TFCP2: variants seen among roughly 807,000 people sequenced by gnomAD.
The protein encoded by TFCP2 is transcription factor CP2.
Under a neutral mutation model 73.4 loss-of-function variants are expected in TFCP2, and 33 were observed. The observed-to-expected ratio is 0.45, with a 90% CI of 0.34 to 0.60. The LOEUF is 0.60. Ranked by LOEUF, TFCP2 falls within the 20% of genes least tolerant of loss-of-function variation. TFCP2 has a pLI of 0.01. For synonymous variants in TFCP2, 193 were observed against 211.6 expected (o/e 0.91, Z 0.76); for missense variants, 352 against 604.0 (o/e 0.58, Z 4.37).
intron 1 of TFCP2, among the ~76,000 whole-genome samples, chr12:51,158,008 A>T (rs1350834154): frequency 1.3e-5 from 2 of 150,850 alleles, no homozygotes; most frequent in African/African-American, 2.4e-5. Flanking sequence ...CTATAATCTT[A>T]ATTTTTTTTT....
intron 1 of TFCP2, among the ~76,000 whole-genome samples, chr12:51,140,980 G>C (rs1985457): frequency 6.6e-6 from 1 of 151,788 alleles, no homozygotes; most frequent in Non-Finnish European, 1.5e-5. Flanking sequence ...CGCTTGAACC[G>C]GGGAGGCAGA....
chr12:51,108,071 G>C (rs1265845128), intron 6 of TFCP2, among the ~76,000 whole-genome samples: 4 of 151,718 alleles, frequency 2.6e-5, no homozygotes, highest in African/African-American at 9.7e-5. Flanking sequence ...GATTGCCTGA[G>C]GTCAGGAGTT....
chr12:51,168,502 T>G (rs550597052), intron 1 of TFCP2, among the ~76,000 whole-genome samples: 1 of 152,238 alleles, frequency 6.6e-6, no homozygotes, highest in South Asian at 2.1e-4. Flanking sequence ...TTTGTTTTTT[T>G]GAGACAGGGT....
chr12:51,129,982 T>C (rs1326876943), intron 1 of TFCP2, among the ~76,000 whole-genome samples: 3 of 23,726 alleles, frequency 1.3e-4, no homozygotes, highest in African/African-American at 2.5e-4. Flanking sequence ...ACCCCATCTC[T>C]ACAAAAAAAA....
intron 10 of TFCP2, among the ~76,000 whole-genome samples, chr12:51,103,181 G>A (rs1466956341): frequency 6.6e-6 from 1 of 152,004 alleles, no homozygotes; most frequent in Non-Finnish European, 1.5e-5. Context: ...TAATCAGGAG[G>A]CTAAGGCAGG....
In TFCP2 at chr12:51,118,712, C is replaced by T; in HGVS notation, c.183G>A (p.Glu61=). Residue 61 remains glutamate, a synonymous_variant, in exon 2 of 15, where the codon GAG becomes GAA. Transcript: ENST00000257915. ...CATATTGAAAAGGCAGGATTTTATTCTCATTATCAGGAGGCAAACTCGACT... is the reference window on the plus strand; with the variant it reads ...CATATTGAAAAGGCAGGATTTTATTTTCATTATCAGGAGGCAAACTCGACT... ...QEESSLPPDN[E]NKILPFQYVL... is the part of the protein sequence containing the mutation. The T allele has an allele frequency of 6.2e-7, 1 of 1,614,120 alleles. No individual in the cohort carries two copies. Among genetic ancestry groups the T allele is most frequent in the Non-Finnish European group, 8.5e-7 (1 of 1,180,026 alleles).
chr12:51,135,436 CA>C (rs5798157), intron 1 of TFCP2, among the ~76,000 whole-genome samples: 1 of 150,828 alleles, frequency 6.6e-6, no homozygotes, highest in Admixed American at 6.6e-5. Context: ...CACACACACA[CA>C]AAAAAAACAA....
At chr12:51,124,675 GGCC>G (rs1434695253) in intron 1 of TFCP2, 1 of 619,462 alleles carries the variant, frequency 1.6e-6, no homozygotes, top group African/African-American at 1.8e-5. Flanking sequence ...AGCTCCATCA[GGCC>G]GTCCCCCGCG....
chr12:51,123,820 T>A (rs965657689), intron 1 of TFCP2, among the ~76,000 whole-genome samples: 2 of 152,224 alleles, frequency 1.3e-5, no homozygotes, highest in African/African-American at 4.8e-5. Flanking sequence ...ACTTTTGTTT[T>A]GTGAAATAAA....
chr12:51,141,967 G>A (rs1220025095), intron 1 of TFCP2, among the ~76,000 whole-genome samples: 4 of 150,870 alleles, frequency 2.7e-5, no homozygotes, highest in African/African-American at 9.7e-5. Context: ...CAGTTTGGGA[G>A]GCCGAGGCGG....
chr12:51,149,202 A>G (rs1016849968), intron 1 of TFCP2, among the ~76,000 whole-genome samples: 5 of 152,106 alleles, frequency 3.3e-5, no homozygotes, highest in Admixed American at 3.3e-4. Context: ...GTTTTCATTC[A>G]TAAGTGGGAG....
In TFCP2 at chr12:51,169,047, C is replaced by G. The variant is rs572916656; in HGVS notation, c.122+3254G>C. 1.7e-3 allele frequency among the ~76,000 whole-genome samples: 265 copies of G among 152,020 alleles called. 2 individuals carry two copies. Among genetic ancestry groups the G allele is most frequent in the Non-Finnish European group, 3.2e-3 (220 of 67,966 alleles). On this transcript the variant is annotated intron_variant, in intron 1 of 14. Transcript: ENST00000257915. ...AAACTCCTGACCTCAGGGGATCCAC[C>G]CACCTCAGTCTCCCAAAGTGTTTGG... is the stretch of plus-strand genomic sequence containing the variant.
At chr12:51,125,466 C>T (rs1490446661) in intron 1 of TFCP2, 4 of 371,704 alleles carry the variant, frequency 1.1e-5, no homozygotes, top group Non-Finnish European at 1.6e-5. Flanking sequence ...TATGAATCAA[C>T]CAGTTATTTT....
chr12:51,097,870 G>A (rs1291929108), intron 13 of TFCP2, among the ~76,000 whole-genome samples: 1 of 151,870 alleles, frequency 6.6e-6, no homozygotes, highest in African/African-American at 2.4e-5. Context: ...ACAAAAATTA[G>A]CCAGGCATGG....
rs542629125 is a variant in TFCP2 at position 51,161,490 on chromosome 12, C to T, written c.122+10811G>A. Among the ~76,000 whole-genome samples the T allele has an allele frequency of 4.1e-4, 63 of 151,916 alleles. 1 individual carries two copies. Among genetic ancestry groups the T allele is most frequent in the Non-Finnish European group, 1.9e-4 (13 of 67,966 alleles). On this transcript the variant is annotated intron_variant, in intron 1 of 14. Transcript: ENST00000257915. ...GGTCAGGAGATCGAGACCATCCTGG[C>T]TAACACGGTGAAACCCCATGTCTAC...
In TFCP2 at chr12:51,103,770, G is replaced by A; in HGVS notation, c.967-7C>T. 6.2e-7 allele frequency: 1 copy of A among 1,608,326 alleles called. No homozygotes were observed. Among genetic ancestry groups the A allele is most frequent in the Non-Finnish European group, 8.5e-7 (1 of 1,177,406 alleles). ...TGGTTGTTGGTAAGAGGTTCTGAAA[G>A]GGAGAGCACGTTTTTTAGATAACCA... On this transcript the variant is annotated splice_region_variant and splice_polypyrimidine_tract_variant and intron_variant, in intron 9 of 14. Coordinates refer to ENST00000257915, the MANE Select transcript of TFCP2 (RefSeq NM_005653.5).
rs1365093234 is a variant in TFCP2, at chr12:51,124,094, TTTTC to T, written c.123-5326_123-5323del. 5.1e-4 allele frequency among the ~76,000 whole-genome samples: 26 copies of T among 50,876 alleles called. 1 individual carries two copies. In the East Asian group the frequency reaches 0.013, roughly 26 times the overall value. 33.4% of individuals were successfully genotyped at this position (50,876 alleles called of 152,430 possible). ...AACCTGATGTTAACCAACCAGCTAC[TTTTC>T]TTTTTTTTTTCTTTTTTGAGGGGGT... On this transcript the variant is annotated intron_variant, in intron 1 of 14. Coordinates refer to ENST00000257915, the MANE Select transcript of TFCP2 (RefSeq NM_005653.5).
intron 5 of TFCP2, among the ~76,000 whole-genome samples, chr12:51,109,648 T>C (rs944112022): frequency 7.9e-5 from 12 of 151,912 alleles, no homozygotes; most frequent in African/African-American, 2.7e-4. Flanking sequence ...ATAGTAAATA[T>C]GAAAGTTCAC....
rs1223430401 is a variant in TFCP2 at position 51,118,703 on chromosome 12, G to A, written c.192C>T (p.Ile64=). 1 of 1,614,006 alleles carries A rather than the reference G, an allele frequency of 6.2e-7. No homozygotes were observed. Among genetic ancestry groups the A allele is most frequent in the African/African-American group, 1.3e-5 (1 of 74,916 alleles). The part of the protein sequence containing the change: ...SSLPPDNENK[I]LPFQYVLCAA... ...CACAAAGCACATATTGAAAAGGCAGGATTTTATTCTCATTATCAGGAGGCA... is the reference window on the plus strand; with the variant it reads ...CACAAAGCACATATTGAAAAGGCAGAATTTTATTCTCATTATCAGGAGGCA... The change falls in exon 2 of 15, where the codon ATC becomes ATT. Residue 64 remains isoleucine, a synonymous_variant. Coordinates refer to ENST00000257915, the MANE Select transcript of TFCP2 (RefSeq NM_005653.5).
Sources: allele counts gnomAD v4.1 joint callset (sites outside exome capture counted in the v4.1 genomes callset), GRCh38; gene constraint gnomAD v4.1.1; transcripts MANE v1.5; gene names NCBI Gene and HGNC (gene_info 2026-07-23, HGNC 2026-07-21).